The following HDAC7 variants were observed in gnomAD, a reference collection of about 807,000 sequenced individuals.
HDAC7 encodes the protein histone deacetylase 7.
HDAC7 carries 26 observed loss-of-function variants against 115.5 expected under a neutral mutation model. The ratio of observed to expected loss-of-function variants is 0.23; its 90% CI spans 0.16 to 0.31. The LOEUF (loss-of-function observed/expected upper bound fraction) is 0.31. Among genes scored for constraint, HDAC7 ranks in the 10% least tolerant of loss-of-function variants. The pLI is 1.00. For synonymous variants in HDAC7, 564 were observed against 550.9 expected (o/e 1.02, Z -0.33); for missense variants, 1,068 against 1,329.0 (o/e 0.80, Z 3.05).
intron 1 of HDAC7, among the ~76,000 whole-genome samples, chr12:47,818,301 G>A (rs1389219464): frequency 6.6e-6 from 1 of 152,220 alleles, no homozygotes; most frequent in African/African-American, 2.4e-5. Flanking sequence ...GGCAAGGAGG[G>A]ACATCAGGGG....
intron 2 of HDAC7, among the ~76,000 whole-genome samples, chr12:47,800,766 G>A (rs966569046): frequency 2.0e-5 from 3 of 152,192 alleles, no homozygotes; most frequent in African/African-American, 7.2e-5. Context: ...AGCCACATAC[G>A]GACTGTGAGC....
chr12:47,794,670 G>C (rs1943707812), intron 12 of HDAC7, 90 bp downstream of exon 12: 5 of 1,325,344 alleles, frequency 3.8e-6, no homozygotes, highest in South Asian at 1.5e-5. Context: ...CTGTTGCACT[G>C]ATGTCGTATC....
chr12:47,818,189 G>A (rs1330473496), intron 1 of HDAC7, among the ~76,000 whole-genome samples: 2 of 152,084 alleles, frequency 1.3e-5, no homozygotes, highest in East Asian at 1.9e-4. Flanking sequence ...GACACCCGCC[G>A]AATAAGGGAC....
chr12:47,807,480 A>G (rs1346157591), intron 1 of HDAC7, among the ~76,000 whole-genome samples: 1 of 152,164 alleles, frequency 6.6e-6, no homozygotes, highest in Non-Finnish European at 1.5e-5. Context: ...GTCACAGACA[A>G]GTGGCAGAGG....
intron 13 of HDAC7, chr12:47,792,757 T>A (rs1274244023): frequency 4.6e-6 from 2 of 439,328 alleles, no homozygotes; most frequent in South Asian, 1.6e-5. Context: ...TGATAAGGGA[T>A]CCCTCAGTAA....
At chr12:47,788,187 A>G (rs763036294) in intron 19 of HDAC7, 23 bp from the exon 20 acceptor site, 1 of 1,585,276 alleles carries the variant, frequency 6.3e-7, no homozygotes, top group Non-Finnish European at 8.6e-7. Context: ...ACGGGCAGCG[A>G]TTAGGGAAGG....
intron 1 of HDAC7, among the ~76,000 whole-genome samples, chr12:47,815,057 C>A (rs1944814629): frequency 6.6e-6 from 1 of 152,156 alleles, no homozygotes; most frequent in Non-Finnish European, 1.5e-5. Context: ...TACCCAGTGC[C>A]TAGAACATTG....
In HDAC7 at chr12:47,791,725, A is replaced by G; in HGVS notation, c.1813-19T>C. 1 of 1,612,512 alleles carries G rather than the reference A, an allele frequency of 6.2e-7. No homozygotes were observed. Among genetic ancestry groups the G allele is most frequent in the South Asian group, 1.1e-5 (1 of 90,984 alleles). ...GGAGACACTGAAAAGGGGACCACAGAGCTCTGAGCTCATGCTCGCCCCTTC... is the reference window on the plus strand; with the variant it reads ...GGAGACACTGAAAAGGGGACCACAGGGCTCTGAGCTCATGCTCGCCCCTTC... On this transcript the variant is annotated intron_variant, in intron 14 of 25. Transcript: ENST00000080059.
At position 47,793,344 on chromosome 12, in the gene HDAC7, C is replaced by T. The variant is rs777869805; in HGVS notation, c.1678+25G>A. The T allele has an allele frequency of 5.8e-6, 8 of 1,370,202 alleles. No homozygotes were observed. The highest frequency in any genetic ancestry group is 5.4e-5 in the South Asian group (4 of 73,622). The allele number at this position is 1,370,202 out of a possible 1,614,324, so 84.9% of individuals were successfully genotyped here. ...TCGTGCAGCCGAGCCCCTCCCTCCA[C>T]CCGCCACCCTCCTCCCGGTCTCACC... On this transcript the variant is annotated intron_variant, in intron 13 of 25. Coordinates refer to ENST00000080059, the MANE Select transcript of HDAC7 (RefSeq NM_015401.5). The surrounding 1 kb of genome is among the most constrained non-coding windows in gnomAD (Gnocchi z 4.5).
chr12:47,798,991 A>G lies in HDAC7; in HGVS notation c.71-19T>C. The G allele has an allele frequency of 6.8e-7, 1 of 1,463,548 alleles. No homozygotes were observed. The highest frequency in any genetic ancestry group is 9.0e-7 in the Non-Finnish European group (1 of 1,105,360). The allele number at this position is 1,463,548 out of a possible 1,614,324, so 90.7% of individuals were successfully genotyped here. ...GGGCAGCCTAGGGACAGAGAGAGGG[A>G]GCAGGGTAAACTGGAAAGTTTGTCC... On this transcript the variant is annotated intron_variant, in intron 2 of 25. Transcript: ENST00000080059. This position sits in a 1 kb window ranked among gnomAD's most constrained non-coding sequence, Gnocchi z 4.3.
chr12:47,820,870 C>T (rs1945000265), upstream of HDAC7, among the ~76,000 whole-genome samples: 1 of 152,204 alleles, frequency 6.6e-6, no homozygotes, highest in South Asian at 2.1e-4. This position sits in a 1 kb window ranked among gnomAD's most constrained non-coding sequence, Gnocchi z 4.3. Context: ...ATAAACTCAG[C>T]TCAGGGCCGG....
At chr12:47,789,440 G>A (rs1158304948) in intron 18 of HDAC7, 83 bp downstream of exon 18, 1 of 1,584,412 alleles carries the variant, frequency 6.3e-7, no homozygotes, top group African/African-American at 1.3e-5. Context: ...GAAAGCTCAG[G>A]GAAGAAGAGA....
At chr12:47,792,868 A>G (rs749958613) in intron 13 of HDAC7, 17 of 363,842 alleles carry the variant, frequency 4.7e-5, no homozygotes, top group Non-Finnish European at 8.2e-5. Context: ...GCAGGATACA[A>G]AACGTAGTTC....
At chr12:47,810,628 G>A (rs983673896) in intron 1 of HDAC7, among the ~76,000 whole-genome samples, 2 of 152,048 alleles carry the variant, frequency 1.3e-5, no homozygotes, top group African/African-American at 4.8e-5. Flanking sequence ...TTTCCTGTTA[G>A]CTGCCTCCAG....
At chr12:47,796,566 G>T (rs1943858651) in intron 7 of HDAC7, among the ~76,000 whole-genome samples, 1 of 151,978 alleles carries the variant, frequency 6.6e-6, no homozygotes, top group Middle Eastern at 3.2e-3. Context: ...TGGGACTACA[G>T]GCATGCACCA....
At chr12:47,789,741 G>T (rs1943376033) in intron 17 of HDAC7, 72 bp downstream of exon 17, 1 of 1,400,942 alleles carries the variant, frequency 7.1e-7, no homozygotes, top group Non-Finnish European at 1.0e-6. Context: ...TGGGGTTCTG[G>T]GCCTGGATTC....
chr12:47,790,904 AAGAGCAGAC>A (rs1449458471), intron 16 of HDAC7: 3 of 351,562 alleles, frequency 8.5e-6, no homozygotes, highest in Non-Finnish European at 1.6e-5. Context: ...CTTGCCACTT[AAGAGCAGAC>A]AGAGCAGCCT....
Position 47,789,594 on chromosome 12 carries a change from A to T in HDAC7, c.2092-16T>A. The T allele has an allele frequency of 6.2e-7, 1 of 1,613,878 alleles. No homozygotes were observed. The highest frequency in any genetic ancestry group is 8.5e-7 in the Non-Finnish European group (1 of 1,179,816). On this transcript the variant is annotated splice_polypyrimidine_tract_variant and intron_variant, in intron 17 of 25. Coordinates refer to ENST00000080059, the MANE Select transcript of HDAC7 (RefSeq NM_015401.5). ...CGAAACCATTCTGGAAAAAGAAAGA[A>T]TGCTTGTCAATCAACAGACAGCTCT...
At chr12:47,792,444 G>GA in intron 13 of HDAC7, 1 of 340,102 alleles carries the variant, frequency 2.9e-6, no homozygotes. Flanking sequence ...GAATTCCTAG[G>GA]AAACCCCCAA....
Sources: gnomAD v4.1 joint callset for allele counts (sites outside exome capture counted in the v4.1 genomes callset) on GRCh38, gnomAD v4.1.1 for gene constraint, Gnocchi (gnomAD v3.1) non-coding constraint, MANE v1.5 for transcripts, NCBI Gene and HGNC (gene_info 2026-07-23, HGNC 2026-07-21) for gene names.